CDH18: variants seen among roughly 807,000 people sequenced by gnomAD.
The protein encoded by CDH18 is cadherin-18.
Under a neutral mutation model 67.9 loss-of-function variants are expected in CDH18, and 31 were observed. The observed-to-expected ratio is 0.46, with a 90% CI of 0.34 to 0.62. CDH18 has a LOEUF of 0.62. Among genes scored for constraint, CDH18 ranks in the 20% least tolerant of loss-of-function variants. The probability of loss-of-function intolerance (pLI) is 0.01; values close to 1 mark genes in which losing one functional copy is unlikely to be tolerated. For missense variants in CDH18, 890 were observed against 975.5 expected (o/e 0.91, Z 1.17); for synonymous variants, 362 against 347.2 (o/e 1.04, Z -0.48).
At chr5:20,189,524 A>T (rs1293435397) in intron 2 of CDH18, among the ~76,000 whole-genome samples, 1 of 152,178 alleles carries the variant, frequency 6.6e-6, no homozygotes, top group Non-Finnish European at 1.5e-5. Context: ...ACACACATAC[A>T]AACACACACA....
At chr5:20,481,602 T>A (rs959280511) in intron 1 of CDH18, among the ~76,000 whole-genome samples, 1 of 152,040 alleles carries the variant, frequency 6.6e-6, no homozygotes, top group Non-Finnish European at 1.5e-5. Flanking sequence ...ATAACAAAGA[T>A]TTTCTCTGGC....
chr5:19,605,493 T>C (rs995342731), intron 6 of CDH18, among the ~76,000 whole-genome samples: 4 of 152,024 alleles, frequency 2.6e-5, no homozygotes, highest in Non-Finnish European at 5.9e-5. Context: ...TTTAGCCACA[T>C]AGAATACAAA....
intron 12 of CDH18, among the ~76,000 whole-genome samples, chr5:19,481,060 C>T (rs6882926): frequency 6.9e-4 from 105 of 152,286 alleles, no homozygotes; most frequent in African/African-American, 2.5e-3. Context: ...AGATTTACTA[C>T]ACAGCATAAT....
intron 1 of CDH18, among the ~76,000 whole-genome samples, chr5:20,479,141 A>C (rs1342976992): frequency 1.3e-5 from 2 of 152,152 alleles, no homozygotes; most frequent in Non-Finnish European, 2.9e-5. Flanking sequence ...CCTTCCTAAG[A>C]AAGATAGATA....
intron 2 of CDH18, among the ~76,000 whole-genome samples, chr5:19,881,584 C>T (rs1354675488): frequency 6.6e-6 from 1 of 150,612 alleles, no homozygotes; most frequent in African/African-American, 2.4e-5. Flanking sequence ...TCCTGGCTCA[C>T]TGCAATCTCC....
In CDH18 at chr5:19,802,452, G is replaced by T. The variant is rs142561007; in HGVS notation, c.228+36307C>A. The stretch of plus-strand genomic sequence containing the variant: ...TGACCTCTAATTCTTCTGAGATGCT[G>T]CTTACTTTAAAATAAAATGAATTAT... On this transcript the variant is annotated intron_variant, in intron 3 of 12. Transcript: ENST00000382275. Among the ~76,000 whole-genome samples, 682 of 152,150 alleles carry T rather than the reference G, an allele frequency of 4.5e-3. 6 individuals are homozygous for T. The highest frequency in any genetic ancestry group is 0.016 in the African/African-American group (661 of 41,520).
At chr5:20,134,025 C>G (rs2388133) in intron 2 of CDH18, among the ~76,000 whole-genome samples, 129,581 of 152,144 alleles carry the variant, frequency 0.85, 56,512 homozygotes, top group Non-Finnish European at 0.94. Context: ...AGTGCAATGG[C>G]ACACTCTCAG....
At chr5:20,052,788 GATT>G (rs1741548512) in intron 2 of CDH18, among the ~76,000 whole-genome samples, 1 of 152,040 alleles carries the variant, frequency 6.6e-6, no homozygotes, top group Non-Finnish European at 1.5e-5. Context: ...ATACAAGTCT[GATT>G]TGCTCCAAAG....
intron 2 of CDH18, among the ~76,000 whole-genome samples, chr5:20,035,166 G>C (rs532772268): frequency 2.0e-5 from 3 of 151,968 alleles, no homozygotes; most frequent in Non-Finnish European, 4.4e-5. Flanking sequence ...GACACATAGT[G>C]TTAGTGAGGA....
At chr5:20,461,029 G>A (rs72746822) in intron 1 of CDH18, among the ~76,000 whole-genome samples, 169 of 152,260 alleles carry the variant, frequency 1.1e-3, no homozygotes, top group Non-Finnish European at 2.1e-3. Context: ...TAAAATGAGT[G>A]CCTCAGAAAT....
chr5:19,889,435 T>C (rs1306881481), intron 2 of CDH18, among the ~76,000 whole-genome samples: 2 of 152,124 alleles, frequency 1.3e-5, no homozygotes, highest in East Asian at 3.9e-4. Flanking sequence ...AGCTATTTTT[T>C]ATAGCTCTTG....
rs1705923907 is a variant in CDH18 at position 20,543,000 on chromosome 5, TG to T, written c.-580+32461del. Among the ~76,000 whole-genome samples, 3 of 152,036 alleles carry T rather than the reference TG, an allele frequency of 2.0e-5. No individual in the cohort carries two copies. The South Asian group carries it at 6.2e-4, about 31-fold the overall frequency. On this transcript the variant is annotated intron_variant, in intron 1 of 14. Transcript: ENST00000507958. ...ATTTCTCAAGGATAAATTAACTTTT[TG>T]TTTGGCGTTTCATGGCTAAATAAGG...
chr5:19,601,039 C>T (rs1384774177), intron 6 of CDH18, among the ~76,000 whole-genome samples: 4 of 152,044 alleles, frequency 2.6e-5, no homozygotes, highest in African/African-American at 9.7e-5. Context: ...AATATTCAAA[C>T]GTGTACAGAA....
chr5:20,372,017 G>A (rs1743043470), intron 1 of CDH18, among the ~76,000 whole-genome samples: 1 of 152,192 alleles, frequency 6.6e-6, no homozygotes, highest in African/African-American at 2.4e-5. Context: ...TAATGAGGAA[G>A]GTGATATTGA....
At chr5:19,657,497 C>T (rs1362644498) in intron 5 of CDH18, among the ~76,000 whole-genome samples, 1 of 151,948 alleles carries the variant, frequency 6.6e-6, no homozygotes, top group Admixed American at 6.6e-5. Flanking sequence ...ATTTGAAATA[C>T]AGTTTGAAAT....
In CDH18 at chr5:20,279,725, A is replaced by AAAAAAAC. The variant is rs59764100; in HGVS notation, c.-579-24221_-579-24220insGTTTTTT. Among the ~76,000 whole-genome samples, 498 of 128,814 alleles carry AAAAAAAC rather than the reference A, an allele frequency of 3.9e-3. 45 individuals are homozygous for AAAAAAAC. The highest frequency in any genetic ancestry group is 0.014 in the African/African-American group (400 of 29,328). 84.5% of individuals were successfully genotyped at this position (128,814 alleles called of 152,430 possible). ...AAAAAAAAAAAAAAAAAAAAAAAAA[A>AAAAAAAC]AAAGCAAAAACTGTAAGAGCGAGAT... On this transcript the variant is annotated intron_variant, in intron 1 of 14. Transcript: ENST00000507958.
intron 1 of CDH18, among the ~76,000 whole-genome samples, chr5:20,523,856 T>A (rs1755893888): frequency 6.6e-6 from 1 of 152,162 alleles, no homozygotes; most frequent in Non-Finnish European, 1.5e-5. Flanking sequence ...TTTTAAGTAT[T>A]GAATATTCAC....
At chr5:20,304,734 A>G (rs1398607086) in intron 1 of CDH18, 2 of 1,611,368 alleles carry the variant, frequency 1.2e-6, no homozygotes, top group East Asian at 2.2e-5. Context: ...TTTTGTTGCC[A>G]TGAAACAAAA....
chr5:19,819,532 T>G, intron 3 of CDH18, among the ~76,000 whole-genome samples: 1 of 152,156 alleles, frequency 6.6e-6, no homozygotes, highest in Non-Finnish European at 1.5e-5. Context: ...GGCTCCCAGT[T>G]CTGACCAGGT....
Sources: allele counts gnomAD v4.1 joint callset (sites outside exome capture counted in the v4.1 genomes callset), GRCh38; gene constraint gnomAD v4.1.1; transcripts MANE v1.5; gene names NCBI Gene and HGNC (gene_info 2026-07-23, HGNC 2026-07-21).